Variants in H2BN1 observed in about 807,000 individuals in gnomAD.
H2BN1 encodes H2B.N variant histone 1, also known as histone H2B.N.
At chr17:32,895,665 G>A in the H2BN1 span, among the ~76,000 whole-genome samples, 1 of 152,152 alleles carries the variant, frequency 6.6e-6, no homozygotes, top group Non-Finnish European at 1.5e-5. Flanking sequence ...TCATGTTAGC[G>A]GCCCTGGGTA....
At chr17:32,895,907 CT>C in the H2BN1 span, among the ~76,000 whole-genome samples, 1 of 151,720 alleles carries the variant, frequency 6.6e-6, no homozygotes, top group African/African-American at 2.4e-5. Context: ...ATTCTTTTTC[CT>C]TTTTTTTGAG....
At chr17:32,899,127 A>T in the H2BN1 span, among the ~76,000 whole-genome samples, 1 of 152,332 alleles carries the variant, frequency 6.6e-6, no homozygotes, top group East Asian at 1.9e-4. Flanking sequence ...TTCTCTGTCT[A>T]GTTTACCATT....
At chr17:32,901,215 T>A in the H2BN1 span, among the ~76,000 whole-genome samples, 271 of 148,936 alleles carry the variant, frequency 1.8e-3, no homozygotes, top group Non-Finnish European at 1.8e-3. Context: ...TCAAAAAAAA[T>A]TTTTTTTTTT....
the H2BN1 span, among the ~76,000 whole-genome samples, chr17:32,895,538 A>T: frequency 6.6e-6 from 1 of 152,154 alleles, no homozygotes; most frequent in Non-Finnish European, 1.5e-5. Context: ...CACTGGGAAG[A>T]AGAGGAGGTG....
At chr17:32,896,521 G>GT in the H2BN1 span, among the ~76,000 whole-genome samples, 1 of 152,208 alleles carries the variant, frequency 6.6e-6, no homozygotes, top group African/African-American at 2.4e-5. Flanking sequence ...TGACAAGGAA[G>GT]TAAGTTTGAG....
the H2BN1 span, among the ~76,000 whole-genome samples, chr17:32,900,932 G>T: frequency 1.3e-5 from 2 of 151,976 alleles, no homozygotes; most frequent in Admixed American, 6.6e-5. Flanking sequence ...TCTCGGCCAG[G>T]TGTGGTGACT....
the H2BN1 span, among the ~76,000 whole-genome samples, chr17:32,901,646 T>C: frequency 6.6e-6 from 1 of 152,160 alleles, no homozygotes; most frequent in East Asian, 1.9e-4. Context: ...ACAAGTACTT[T>C]AAAAGTACTT....
the H2BN1 span, among the ~76,000 whole-genome samples, chr17:32,896,177 A>G: frequency 6.6e-6 from 1 of 152,082 alleles, no homozygotes; most frequent in African/African-American, 2.4e-5. Flanking sequence ...TGGCCTCCCA[A>G]AGTGTTGGAA....
chr17:32,905,552 G>T, the H2BN1 span: 2 of 152,042 alleles, frequency 1.3e-5, no homozygotes, highest in Admixed American at 1.3e-4. Flanking sequence ...AGTTAATTTA[G>T]AAAGTTTATT....
chr17:32,904,322 A>G, the H2BN1 span, among the ~76,000 whole-genome samples: 2,408 of 152,324 alleles, frequency 0.016, 59 homozygotes, highest in African/African-American at 0.053. Context: ...AAAGTAGTAG[A>G]CAAGACCTCT....
chr17:32,901,313 C>G, the H2BN1 span, among the ~76,000 whole-genome samples: 1 of 151,996 alleles, frequency 6.6e-6, no homozygotes, highest in Non-Finnish European at 1.5e-5. Context: ...CCTTGTTAAT[C>G]TGACATAGGG....
At chr17:32,898,171 C>T in the H2BN1 span, among the ~76,000 whole-genome samples, 15 of 152,260 alleles carry the variant, frequency 9.9e-5, no homozygotes, top group South Asian at 2.1e-4. Context: ...GATGTGTGTC[C>T]GTGACACAGT....
the H2BN1 span, among the ~76,000 whole-genome samples, chr17:32,904,864 C>A: frequency 1.3e-5 from 2 of 151,692 alleles, no homozygotes; most frequent in South Asian, 2.1e-4. Context: ...GGTTTTGTTA[C>A]CCATAATTTG....
the H2BN1 span, among the ~76,000 whole-genome samples, chr17:32,899,759 A>G: frequency 6.6e-6 from 1 of 152,260 alleles, no homozygotes; most frequent in African/African-American, 2.4e-5. Flanking sequence ...AAAAGTTGTC[A>G]ATAGCTCAAA....
At chr17:32,906,221 G>A in the H2BN1 span, 6 of 152,258 alleles carry the variant, frequency 3.9e-5, no homozygotes, top group Non-Finnish European at 7.3e-5. Flanking sequence ...GCGTTCCTGG[G>A]TCTTGTATGC....
chr17:32,903,689 C>G, the H2BN1 span, among the ~76,000 whole-genome samples: 1 of 152,172 alleles, frequency 6.6e-6, no homozygotes. Flanking sequence ...TTAGGAACAA[C>G]GTAGTTTGCA....
the H2BN1 span, among the ~76,000 whole-genome samples, chr17:32,899,500 T>C: frequency 6.6e-6 from 1 of 152,326 alleles, no homozygotes; most frequent in East Asian, 1.9e-4. Context: ...GGGGCTTTTA[T>C]TGGCTCCATA....
the H2BN1 span, among the ~76,000 whole-genome samples, chr17:32,904,445 T>C: frequency 6.6e-6 from 1 of 152,184 alleles, no homozygotes; most frequent in African/African-American, 2.4e-5. Context: ...CCACCCCTAC[T>C]TTGTAGCTCT....
the H2BN1 span, among the ~76,000 whole-genome samples, chr17:32,897,671 C>A: frequency 6.6e-6 from 1 of 152,034 alleles, no homozygotes; most frequent in South Asian, 2.1e-4. Context: ...GGGGAGGAGC[C>A]TTACAGGATG....
Sources: allele counts gnomAD v4.1 joint callset (sites outside exome capture counted in the v4.1 genomes callset), GRCh38; gene constraint gnomAD v4.1.1; transcripts MANE v1.5; gene names NCBI Gene and HGNC (gene_info 2026-07-23, HGNC 2026-07-21).